The following RPS6KA6 variants were observed in gnomAD, a reference collection of about 807,000 sequenced individuals.
The protein encoded by RPS6KA6 is ribosomal protein S6 kinase alpha-6.
In RPS6KA6, 27 loss-of-function variants were observed where a neutral mutation model predicts 65.4. The ratio of observed to expected loss-of-function variants is 0.41; its 90% CI spans 0.30 to 0.57. RPS6KA6 has a LOEUF of 0.57. RPS6KA6 is among the 20% of genes least tolerant of loss of function. The pLI, the probability that RPS6KA6 is intolerant of heterozygous loss-of-function variation, is 0.24. For synonymous variants in RPS6KA6, 190 were observed against 184.2 expected (o/e 1.03, Z -0.26); for missense variants, 486 against 555.6 (o/e 0.87, Z 1.26).
At chrX:84,172,240 C>G (rs757771429) in intron 1 of RPS6KA6, among the ~76,000 whole-genome samples, 1 of 111,684 alleles carries the variant, frequency 9.0e-6, no homozygotes, top group South Asian at 3.8e-4. Context: ...ATTTATAATC[C>G]TTTGGGTATA....
intron 1 of RPS6KA6, among the ~76,000 whole-genome samples, chrX:84,182,109 A>C (rs1304286418): frequency 9.3e-6 from 1 of 107,579 alleles, no homozygotes; most frequent in Non-Finnish European, 1.9e-5. Context: ...ACAAAACTAC[A>C]GCAGGACCTG....
chrX:84,153,063 A>C (rs1220673032), intron 3 of RPS6KA6, among the ~76,000 whole-genome samples: 2 of 111,593 alleles, frequency 1.8e-5, no homozygotes, highest in Non-Finnish European at 1.9e-5. Flanking sequence ...ACTGCAGTGA[A>C]CTAGAAGATC....
chrX:84,058,711 T>TAAC lies in RPS6KA6; in HGVS notation c.*5563_*5565dup, dbSNP rs2033249333. 8.9e-6 allele frequency: 1 copy of TAAC among 112,038 alleles called. No homozygotes were observed. The highest frequency in any genetic ancestry group is 1.9e-5 in the Non-Finnish European group (1 of 53,212). The allele number at this position is 112,038 out of a possible 1,213,427, so 9.2% of individuals were successfully genotyped here. On this transcript the variant is annotated 3_prime_UTR_variant, in exon 22 of 22. Coordinates refer to ENST00000262752, the MANE Select transcript of RPS6KA6 (RefSeq NM_014496.5). Reference sequence around the variant, plus strand: ...TAGTTTTTGAACACTGGGGATTGTTTAACTGCAGCTTTGAAGTTTTTAAGT... The same window carrying TAAC: ...TAGTTTTTGAACACTGGGGATTGTTTAACAACTGCAGCTTTGAAGTTTTTAAGT...
chrX:84,097,644 A>G (rs1340065765), intron 19 of RPS6KA6, 128 bp downstream of exon 19: 9 of 395,689 alleles, frequency 2.3e-5, no homozygotes, highest in Non-Finnish European at 3.5e-5. Context: ...TGTAACAATC[A>G]ATATTAATAT....
intron 20 of RPS6KA6, among the ~76,000 whole-genome samples, chrX:84,074,157 G>A (rs1051763130): frequency 4.5e-5 from 5 of 111,759 alleles, no homozygotes; most frequent in African/African-American, 1.6e-4. Flanking sequence ...TATAAAATGC[G>A]GTAAATATAA....
At position 84,078,533 on chromosome X, in the gene RPS6KA6, C is replaced by T. The variant is rs931397153; in HGVS notation, c.1972-13422G>A. On this transcript the variant is annotated intron_variant, in intron 20 of 21. Transcript: ENST00000262752. The stretch of plus-strand genomic sequence containing the variant: ...TATTGGTTAACAACACAAAACAACA[C>T]AAATGTCCATCAACAGGTGAACAGA... Among the ~76,000 whole-genome samples, 14 of 111,333 alleles carry T rather than the reference C, an allele frequency of 1.3e-4. No individual in the cohort carries two copies. The East Asian group carries it at 3.7e-3, about 29-fold the overall frequency.
chrX:84,119,890 G>C lies in RPS6KA6; in HGVS notation c.784C>G (p.Leu262Val). The change falls in exon 9 of 22, where the codon CTT becomes GTT. Residue 262 changes from leucine to valine, a missense_variant. Transcript: ENST00000262752. Reference protein sequence around the residue: ...QSADWWSYGVLMFEMLTGTLP... With the variant: ...QSADWWSYGVVMFEMLTGTLP... ...AAACAAATAATGCTACTTACCATAA[G>C]AACACCATATGACCACCAATCAGCA... 1 of 1,174,318 alleles carries C rather than the reference G, an allele frequency of 8.5e-7. No individual in the cohort carries two copies.
chrX:84,178,249 G>A (rs777171789), intron 1 of RPS6KA6, among the ~76,000 whole-genome samples: 1 of 111,577 alleles, frequency 9.0e-6, no homozygotes, highest in Non-Finnish European at 1.9e-5. Flanking sequence ...CTAATACTAA[G>A]CAACTAACAG....
At chrX:84,120,344 T>C (rs1374107898) in intron 8 of RPS6KA6, among the ~76,000 whole-genome samples, 3 of 111,423 alleles carry the variant, frequency 2.7e-5, no homozygotes, top group Non-Finnish European at 3.8e-5. Flanking sequence ...AGTTTTAAAA[T>C]AGACTAAGAC....
chrX:84,061,484 A>T lies in RPS6KA6; in HGVS notation c.*2793T>A, dbSNP rs944422691. 1 of 108,377 alleles carries T rather than the reference A, an allele frequency of 9.2e-6. No individual in the cohort carries two copies. Among genetic ancestry groups the T allele is most frequent in the Non-Finnish European group, 1.9e-5 (1 of 51,706 alleles). 8.9% of individuals were successfully genotyped at this position (108,377 alleles called of 1,213,427 possible). On this transcript the variant is annotated 3_prime_UTR_variant, in exon 22 of 22. Transcript: ENST00000262752. ...TGCTGAGTCTAACAAAATAGGCTGAAGTTTGATCTTTGTGAAAGGACTTGA... is the reference window on the plus strand; with the variant it reads ...TGCTGAGTCTAACAAAATAGGCTGATGTTTGATCTTTGTGAAAGGACTTGA...
rs775202651 is a variant in RPS6KA6 at position 84,117,127 on chromosome X, T to C, written c.882A>G (p.Gln294=). Residue 294 remains glutamine, a synonymous_variant, in exon 11 of 22, where the codon CAA becomes CAG. Transcript: ENST00000262752. ...GACTTTGTGCTTCAGCACTAAGAAA[T>C]TGAGGCATTCCAAGTTTTGCTCTGA... The part of the protein sequence containing the change: ...MILKAKLGMP[Q]FLSAEAQSLL... 3 of 1,190,720 alleles carry C rather than the reference T, an allele frequency of 2.5e-6. No individual in the cohort carries two copies. Among genetic ancestry groups the C allele is most frequent in the Non-Finnish European group, 3.4e-6 (3 of 883,214 alleles).
At position 84,188,160 on chromosome X, in the gene RPS6KA6, T is replaced by A. The variant is rs1251163861; in HGVS notation, c.-261A>T. Among the ~76,000 whole-genome samples the A allele has an allele frequency of 9.0e-6, 1 of 110,643 alleles. No homozygotes were observed. On this transcript the variant is annotated 5_prime_UTR_variant, in exon 1 of 22. Coordinates refer to ENST00000262752, the MANE Select transcript of RPS6KA6 (RefSeq NM_014496.5). ...CCAAGAGCTGCCGCTCGGCTCGCGC[T>A]CACCACTGCCACCACAACGACAGCC...
At position 84,058,419 on chromosome X, in the gene RPS6KA6, G is replaced by A. The variant is rs750791024; in HGVS notation, c.*5858C>T. The A allele has an allele frequency of 5.4e-5, 6 of 112,140 alleles. No individual in the cohort carries two copies. Among genetic ancestry groups the A allele is most frequent in the Non-Finnish European group, 1.1e-4 (6 of 53,270 alleles). 9.2% of individuals were successfully genotyped at this position (112,140 alleles called of 1,213,427 possible). Reference sequence around the variant, plus strand: ...AGTAATTTAACATATCTTGAGAACTGTTGCTCACAGAGTTTTAACAAGAAC... The same window carrying A: ...AGTAATTTAACATATCTTGAGAACTATTGCTCACAGAGTTTTAACAAGAAC... On this transcript the variant is annotated 3_prime_UTR_variant, in exon 22 of 22. Transcript: ENST00000262752.
chrX:84,104,033 A>T (rs1162951637), intron 17 of RPS6KA6, among the ~76,000 whole-genome samples: 1 of 110,832 alleles, frequency 9.0e-6, no homozygotes, highest in Non-Finnish European at 1.9e-5. Flanking sequence ...CAAAATAACA[A>T]GCCTGCCCCT....
intron 20 of RPS6KA6, among the ~76,000 whole-genome samples, chrX:84,089,921 G>C (rs915988909): frequency 8.9e-6 from 1 of 112,045 alleles, no homozygotes; most frequent in African/African-American, 3.2e-5. Context: ...AATGTACTCA[G>C]GTTTCTTATT....
intron 20 of RPS6KA6, among the ~76,000 whole-genome samples, chrX:84,071,389 A>G (rs187151905): frequency 4.2e-4 from 47 of 111,440 alleles, no homozygotes; most frequent in African/African-American, 1.4e-3. Context: ...TTGATGAAGT[A>G]TATTACAGAG....
Position 84,061,556 on chromosome X carries a change from C to A in RPS6KA6, c.*2721G>T, listed in dbSNP as rs1343570789. The A allele has an allele frequency of 2.7e-5, 3 of 111,428 alleles. No individual in the cohort carries two copies. The highest frequency in any genetic ancestry group is 6.5e-5 in the African/African-American group (2 of 30,698). The allele number at this position is 111,428 out of a possible 1,213,427, so 9.2% of individuals were successfully genotyped here. On this transcript the variant is annotated 3_prime_UTR_variant, in exon 22 of 22. Coordinates refer to ENST00000262752, the MANE Select transcript of RPS6KA6 (RefSeq NM_014496.5). The stretch of plus-strand genomic sequence containing the variant: ...AAATCCCCATCACCAGCACTGCATT[C>A]GAATTTTCTTGAAAATTGTTTCCTG...
At chrX:84,088,851 G>A (rs754815640) in intron 20 of RPS6KA6, among the ~76,000 whole-genome samples, 4 of 112,180 alleles carry the variant, frequency 3.6e-5, no homozygotes, top group South Asian at 3.7e-4. Flanking sequence ...GGGAGGCCCC[G>A]CCCAGTGAAC....
At chrX:84,067,030 G>C (rs1477474738) in intron 20 of RPS6KA6, among the ~76,000 whole-genome samples, 1 of 111,621 alleles carries the variant, frequency 9.0e-6, no homozygotes, top group Admixed American at 9.5e-5. Flanking sequence ...TGCAGAATAG[G>C]GGCCAGACTG....
Sources: allele counts gnomAD v4.1 joint callset (sites outside exome capture counted in the v4.1 genomes callset), GRCh38; gene constraint gnomAD v4.1.1; transcripts MANE v1.5; gene names NCBI Gene and HGNC (gene_info 2026-07-23, HGNC 2026-07-21).